CASZ1: variants seen among roughly 807,000 people sequenced by gnomAD.
The protein encoded by CASZ1 is castor zinc finger 1, also known as zinc finger protein castor homolog 1.
A neutral mutation model predicts 135.2 loss-of-function variants in CASZ1; 28 were observed. The observed-to-expected ratio is 0.21, with a 90% CI of 0.15 to 0.28. CASZ1 has a LOEUF of 0.28. Among genes scored for constraint, CASZ1 ranks in the 10% least tolerant of loss-of-function variants. The probability of loss-of-function intolerance (pLI) is 1.00; values close to 1 mark genes in which losing one functional copy is unlikely to be tolerated. For missense variants in CASZ1, 2,161 were observed against 2,453.3 expected (o/e 0.88, Z 2.52); for synonymous variants, 1,068 against 1,073.4 (o/e 0.99, Z 0.10).
At position 10,755,324 on chromosome 1, in the gene CASZ1, C is replaced by T. The variant is rs1001030252; in HGVS notation, c.-77+5377G>A. On this transcript the variant is annotated intron_variant, in intron 2 of 20. Transcript: ENST00000377022. This position sits in a 1 kb window ranked among gnomAD's most constrained non-coding sequence, Gnocchi z 4.3. ...GAGAGGAGGAGCTTGAAGGTCTACA[C>T]GAGGAGATGATGCAGTCAGGACTCC... 2.6e-5 allele frequency among the ~76,000 whole-genome samples: 4 copies of T among 152,170 alleles called. 1 individual carries two copies. Among genetic ancestry groups the T allele is most frequent in the Admixed American group, 2.6e-4 (4 of 15,282 alleles).
chr1:10,749,999 G>A (rs1423599443), intron 2 of CASZ1, among the ~76,000 whole-genome samples: 1 of 152,132 alleles, frequency 6.6e-6, no homozygotes, highest in Non-Finnish European at 1.5e-5. Context: ...GGCTTGCAAG[G>A]TATATAACTG....
rs1640902593 is a variant in CASZ1 at position 10,788,753 on chromosome 1, T to C, written c.-234+7811A>G. ...CATCCTTGCTTTGCCTGGAAGCTGG[T>C]CACTGGCAGGGCTGGCCCGGGAGCT... On this transcript the variant is annotated intron_variant, in intron 1 of 20. Transcript: ENST00000377022. This position sits in a 1 kb window ranked among gnomAD's most constrained non-coding sequence, Gnocchi z 4.1. 6.6e-6 allele frequency among the ~76,000 whole-genome samples: 1 copy of C among 152,246 alleles called. No homozygotes were observed. Among genetic ancestry groups the C allele is most frequent in the East Asian group, 1.9e-4 (1 of 5,146 alleles).
At chr1:10,683,887 G>A (rs535665652) in intron 4 of CASZ1, among the ~76,000 whole-genome samples, 3 of 152,306 alleles carry the variant, frequency 2.0e-5, no homozygotes, top group Admixed American at 6.5e-5. Context: ...GGTACACATC[G>A]GGGCCAGAGA....
Position 10,665,546 on chromosome 1 carries a change from C to A in CASZ1, c.42G>T (p.Pro14=). ...GTAEGTRCTD[P]PAGKPAMAPK... is the part of the protein sequence containing the mutation. ...GCGCCATGGCGGGCTTGCCTGCAGG[C>A]GGGTCCGTGCACCGGGTGCCCTCAG... Residue 14 remains proline, a synonymous_variant, in exon 5 of 21, where the codon CCG becomes CCT. Transcript: ENST00000377022. The A allele has an allele frequency of 6.4e-7, 1 of 1,574,538 alleles. No individual in the cohort carries two copies. Among genetic ancestry groups the A allele is most frequent in the Non-Finnish European group, 8.6e-7 (1 of 1,166,342 alleles).
chr1:10,741,187 T>C lies in CASZ1; in HGVS notation c.-77+19514A>G, dbSNP rs951029614. Among the ~76,000 whole-genome samples the C allele has an allele frequency of 2.0e-5, 3 of 152,172 alleles. No homozygotes were observed. The highest frequency in any genetic ancestry group is 7.2e-5 in the African/African-American group (3 of 41,428). The stretch of plus-strand genomic sequence containing the variant: ...TAGCAGAGACGGGGTTTCACCATGT[T>C]GGTCAGGCTGGTCTCCAACTCCTGA... On this transcript the variant is annotated intron_variant, in intron 2 of 20. Coordinates refer to ENST00000377022, the MANE Select transcript of CASZ1 (RefSeq NM_001079843.3). The surrounding 1 kb of genome is among the most constrained non-coding windows in gnomAD (Gnocchi z 5.0).
intron 5 of CASZ1, among the ~76,000 whole-genome samples, chr1:10,663,600 C>T (rs1643125054): frequency 6.6e-6 from 1 of 152,192 alleles, no homozygotes; most frequent in Non-Finnish European, 1.5e-5. Context: ...AAACAGGCTT[C>T]GAAGGGCAGG....
rs2100250764 is a variant in CASZ1, at chr1:10,658,551, C to A, written c.1366G>T (p.Ala456Ser). The A allele has an allele frequency of 6.2e-7, 1 of 1,614,128 alleles. No homozygotes were observed. Among genetic ancestry groups the A allele is most frequent in the East Asian group, 2.2e-5 (1 of 44,878 alleles). The stretch of plus-strand genomic sequence containing the variant: ...TAAATGTTTACATCTTCAGTGACGG[C>A]TGGTTTATCTGTGGGCAGTCCGTTC... ...VKNGLPTDKPAVTEDVNIYQK... is the reference protein window; with the variant it reads ...VKNGLPTDKPSVTEDVNIYQK... Residue 456 changes from alanine (A) to serine (S), a missense_variant, in exon 7 of 21, where the codon GCC becomes TCC. Around this residue, in one of 7 missense-constraint regions of CASZ1, gnomAD observed 248 missense variants for 410.8 expected, o/e 0.60. Transcript: ENST00000377022.
chr1:10,682,487 G>A (rs191633599), intron 4 of CASZ1, among the ~76,000 whole-genome samples: 1 of 152,250 alleles, frequency 6.6e-6, no homozygotes, highest in East Asian at 1.9e-4. Flanking sequence ...AAGTAGAGGA[G>A]GGAGAGAAGT....
chr1:10,675,687 AC>A (rs904375456), intron 4 of CASZ1, among the ~76,000 whole-genome samples: 1 of 151,704 alleles, frequency 6.6e-6, no homozygotes, highest in Non-Finnish European at 1.5e-5. Flanking sequence ...TTGGGCAGGT[AC>A]CCCTACCCCT....
In CASZ1 at chr1:10,700,793, C is replaced by T. The variant is rs546474667; in HGVS notation, c.-24+4699G>A. Among the ~76,000 whole-genome samples the T allele has an allele frequency of 2.0e-3, 305 of 152,294 alleles. No individual in the cohort carries two copies. The highest frequency in any genetic ancestry group is 3.7e-3 in the Admixed American group (56 of 15,300). ...CTGCTAATGAGTACAGGGTTTCTTC[C>T]TGGGGGAATGAAAATGTTCTAAAAT... is the stretch of plus-strand genomic sequence containing the variant. On this transcript the variant is annotated intron_variant, in intron 3 of 20. Coordinates refer to ENST00000377022, the MANE Select transcript of CASZ1 (RefSeq NM_001079843.3). This position sits in a 1 kb window ranked among gnomAD's most constrained non-coding sequence, Gnocchi z 4.2.
rs2100421622 is a variant in CASZ1 at position 10,697,120 on chromosome 1, A to G, written c.-23-3208T>C. On this transcript the variant is annotated intron_variant, in intron 3 of 20. Transcript: ENST00000377022. The surrounding 1 kb of genome is among the most constrained non-coding windows in gnomAD (Gnocchi z 4.7). ...TTCAGTGGAGGAGCAGCGGTCAGAG[A>G]AGCAAGAAACAGGCCAACTCGGAGC... is the stretch of plus-strand genomic sequence containing the variant. Among the ~76,000 whole-genome samples the G allele has an allele frequency of 6.6e-6, 1 of 152,338 alleles. No individual in the cohort carries two copies. Among genetic ancestry groups the G allele is most frequent in the East Asian group, 1.9e-4 (1 of 5,188 alleles).
At chr1:10,772,734 C>T (rs1370805472) in intron 1 of CASZ1, among the ~76,000 whole-genome samples, 1 of 152,150 alleles carries the variant, frequency 6.6e-6, no homozygotes, top group Admixed American at 6.5e-5. Flanking sequence ...AATGCAGAGA[C>T]ACCATAAAGG....
intron 1 of CASZ1, among the ~76,000 whole-genome samples, chr1:10,761,782 C>T (rs1283373317): frequency 2.0e-5 from 3 of 152,238 alleles, no homozygotes; most frequent in East Asian, 1.9e-4. Context: ...TCTCGGCGTA[C>T]GACCTCCCAG....
rs182219070 is a variant in CASZ1, at chr1:10,643,880, C to T, written c.3869-569G>A. Among the ~76,000 whole-genome samples, 72 of 152,362 alleles carry T rather than the reference C, an allele frequency of 4.7e-4. 1 individual carries two copies. The East Asian group carries it at 7.3e-3, about 15-fold the overall frequency. Reference sequence around the variant, plus strand: ...TGGCCCCAACTATCGCCAAAAACACCACAAGTTGAGTAAATAATAGCAACT... The same window carrying T: ...TGGCCCCAACTATCGCCAAAAACACTACAAGTTGAGTAAATAATAGCAACT... On this transcript the variant is annotated intron_variant, in intron 18 of 20. Coordinates refer to ENST00000377022, the MANE Select transcript of CASZ1 (RefSeq NM_001079843.3).
chr1:10,691,090 TC>T (rs1638752172), intron 4 of CASZ1, among the ~76,000 whole-genome samples: 1 of 102,006 alleles, frequency 9.8e-6, no homozygotes, highest in South Asian at 3.5e-4. Context: ...CCTCCCTCCC[TC>T]CCTCCCTCTC....
At chr1:10,664,947 C>T (rs1187488164) in intron 5 of CASZ1, 136 bp downstream of exon 5, 1 of 1,035,658 alleles carries the variant, frequency 9.7e-7, no homozygotes, top group Non-Finnish European at 1.3e-6. Context: ...ACTCCAGGAG[C>T]CCTCCCTGGG....
intron 1 of CASZ1, among the ~76,000 whole-genome samples, chr1:10,761,988 C>T (rs760151187): frequency 1.4e-4 from 22 of 152,164 alleles, no homozygotes; most frequent in Non-Finnish European, 2.5e-4. Context: ...AGCGTGTGAG[C>T]GGGCTGGGCC....
intron 4 of CASZ1, among the ~76,000 whole-genome samples, chr1:10,677,485 C>G (rs955038944): frequency 1.3e-5 from 2 of 152,170 alleles, no homozygotes; most frequent in African/African-American, 4.8e-5. Context: ...AGGGGTGTGG[C>G]AAGTGGCTCT....
In CASZ1 at chr1:10,756,550, C is replaced by T. The variant is rs181015060; in HGVS notation, c.-77+4151G>A. 1.7e-3 allele frequency among the ~76,000 whole-genome samples: 265 copies of T among 152,330 alleles called. No individual in the cohort carries two copies. Among genetic ancestry groups the T allele is most frequent in the Middle Eastern group, 3.4e-3 (1 of 294 alleles). On this transcript the variant is annotated intron_variant, in intron 2 of 20. Coordinates refer to ENST00000377022, the MANE Select transcript of CASZ1 (RefSeq NM_001079843.3). The surrounding 1 kb of genome is among the most constrained non-coding windows in gnomAD (Gnocchi z 5.9). ...GGGCGGCATGGGGCCTGTCCAGGGG[C>T]GCTGGGGATCACTGCTATCACAGCA...
Sources: allele counts gnomAD v4.1 joint callset (sites outside exome capture counted in the v4.1 genomes callset), GRCh38; gene constraint gnomAD v4.1.1; regional missense constraint gnomAD v4.1.1; non-coding constraint Gnocchi (gnomAD v3.1); transcripts MANE v1.5; gene names NCBI Gene and HGNC (gene_info 2026-07-23, HGNC 2026-07-21).